CSMD1: variants seen among roughly 807,000 people sequenced by gnomAD.
The protein encoded by CSMD1 is CUB and sushi domain-containing protein 1.
Under a neutral mutation model 417.5 loss-of-function variants are expected in CSMD1, and 213 were observed. The ratio of observed to expected loss-of-function variants is 0.51; its 90% confidence interval spans 0.46 to 0.57. The LOEUF (loss-of-function observed/expected upper bound fraction) is 0.57. CSMD1 is among the 20% of genes least tolerant of loss of function. The pLI, the probability that CSMD1 is intolerant of heterozygous loss-of-function variation, is 0.00. For synonymous variants in CSMD1, 2,862 were observed against 1,736.8 expected, an observed-to-expected ratio of 1.65 and a Z score of -16.11; for missense variants, 6,923 against 4,529.7, an observed-to-expected ratio of 1.53 and a Z score of -15.17.
At chr8:3,024,246 G>A (rs1809682400) in intron 51 of CSMD1, among the ~76,000 whole-genome samples, 1 of 141,806 alleles carries the variant, frequency 7.1e-6, no homozygotes, top group South Asian at 2.3e-4. Context: ...TGTGTTTATT[G>A]ATTTTTTTCT....
intron 2 of CSMD1, among the ~76,000 whole-genome samples, chr8:4,456,157 TC>T (rs1799468972): frequency 1.3e-5 from 2 of 151,110 alleles, no homozygotes; most frequent in Admixed American, 1.3e-4. Context: ...CAGAGAGTGG[TC>T]CCTGTCTTTT....
intron 1 of CSMD1, among the ~76,000 whole-genome samples, chr8:4,792,512 G>A (rs1248515036): frequency 6.6e-6 from 1 of 152,048 alleles, no homozygotes; most frequent in East Asian, 1.9e-4. Context: ...AGTTGTGGTT[G>A]CTGTCTGTGC....
At chr8:4,767,294 G>A (rs192050423) in intron 1 of CSMD1, among the ~76,000 whole-genome samples, 1 of 152,182 alleles carries the variant, frequency 6.6e-6, no homozygotes, top group African/African-American at 2.4e-5. Context: ...AAGTAGAGTT[G>A]ACTATCATGG....
chr8:4,070,852 T>C (rs1325340485), intron 3 of CSMD1, among the ~76,000 whole-genome samples: 3 of 152,234 alleles, frequency 2.0e-5, no homozygotes, highest in African/African-American at 7.2e-5. Context: ...GTGATATAAA[T>C]GTCTAGGTTG....
At chr8:3,179,292 T>C (rs1821159384) in intron 37 of CSMD1, among the ~76,000 whole-genome samples, 1 of 152,192 alleles carries the variant, frequency 6.6e-6, no homozygotes, top group Non-Finnish European at 1.5e-5. Context: ...AACAGAGAAA[T>C]GAGTTCCTCT....
chr8:4,590,827 A>G (rs1472116066), intron 2 of CSMD1, among the ~76,000 whole-genome samples: 3 of 152,186 alleles, frequency 2.0e-5, no homozygotes, highest in African/African-American at 7.2e-5. Flanking sequence ...TTCTTAATAA[A>G]AGGATATGGG....
At chr8:3,091,816 G>C (rs1403281003) in intron 47 of CSMD1, among the ~76,000 whole-genome samples, 154 bp from the exon 48 acceptor site, 1 of 152,068 alleles carries the variant, frequency 6.6e-6, no homozygotes, top group East Asian at 1.9e-4. Flanking sequence ...TGGCTATAGT[G>C]ACAGATATAT....
At chr8:4,416,154 G>C (rs982256574) in intron 3 of CSMD1, among the ~76,000 whole-genome samples, 5 of 152,120 alleles carry the variant, frequency 3.3e-5, no homozygotes, top group Non-Finnish European at 7.4e-5. Context: ...TCTATACAAA[G>C]CAAGTAGTGA....
chr8:3,627,296 C>G (rs376200158), intron 7 of CSMD1, among the ~76,000 whole-genome samples: 1 of 152,204 alleles, frequency 6.6e-6, no homozygotes, highest in South Asian at 2.1e-4. Context: ...CTGCAAGACA[C>G]TTGGGAGAAG....
chr8:3,578,370 T>G (rs1041741486), intron 9 of CSMD1, among the ~76,000 whole-genome samples: 2 of 151,666 alleles, frequency 1.3e-5, no homozygotes, highest in Non-Finnish European at 2.9e-5. Flanking sequence ...TGTCCTCCCT[T>G]AGAAATCCTC....
At chr8:3,268,868 C>T (rs1563206313) in intron 26 of CSMD1, among the ~76,000 whole-genome samples, 1 of 152,092 alleles carries the variant, frequency 6.6e-6, no homozygotes, top group Admixed American at 6.5e-5. Context: ...AACACCCTTC[C>T]AACATGAGCT....
intron 5 of CSMD1, among the ~76,000 whole-genome samples, chr8:3,859,685 G>C (rs1465106701): frequency 1.3e-5 from 2 of 152,132 alleles, no homozygotes; most frequent in East Asian, 3.9e-4. Flanking sequence ...TAATCAATGA[G>C]TCGTGCCTAC....
In CSMD1 at chr8:3,640,636, C is replaced by T. The variant is rs571668477; in HGVS notation, c.1010-23839G>A. Among the ~76,000 whole-genome samples the T allele has an allele frequency of 5.3e-5, 8 of 152,276 alleles. No individual in the cohort carries two copies. The South Asian group carries it at 8.3e-4, about 16-fold the overall frequency. On this transcript the variant is annotated intron_variant, in intron 7 of 69. Coordinates refer to ENST00000635120, the MANE Select transcript of CSMD1 (RefSeq NM_033225.6). ...CTCTGAGACCTCAGTCGTCCTGCTACGTAAATTAGATATTCCTTTGATTGT... is the reference window on the plus strand; with the variant it reads ...CTCTGAGACCTCAGTCGTCCTGCTATGTAAATTAGATATTCCTTTGATTGT...
At chr8:4,122,273 G>A (rs1321572734) in intron 3 of CSMD1, among the ~76,000 whole-genome samples, 2 of 152,018 alleles carry the variant, frequency 1.3e-5, no homozygotes, top group East Asian at 1.9e-4. Context: ...TTAAGACCTG[G>A]TTATTTATAG....
intron 8 of CSMD1, among the ~76,000 whole-genome samples, chr8:3,588,957 G>A (rs914214277): frequency 6.6e-5 from 10 of 151,990 alleles, no homozygotes; most frequent in Non-Finnish European, 7.4e-5. Flanking sequence ...ACATAAAAAC[G>A]ACCAACAGGT....
chr8:4,240,138 A>C (rs1365468992), intron 3 of CSMD1, among the ~76,000 whole-genome samples: 1 of 152,248 alleles, frequency 6.6e-6, no homozygotes, highest in Admixed American at 6.5e-5. Flanking sequence ...TAAAAGTAAA[A>C]TAAACATTAT....
At chr8:3,753,665 T>A (rs1425184175) in intron 6 of CSMD1, among the ~76,000 whole-genome samples, 2 of 152,204 alleles carry the variant, frequency 1.3e-5, no homozygotes, top group African/African-American at 4.8e-5. Context: ...TTAAAATCAA[T>A]GATAATAAAT....
At chr8:4,130,438 G>A (rs1394278034) in intron 3 of CSMD1, among the ~76,000 whole-genome samples, 1 of 152,056 alleles carries the variant, frequency 6.6e-6, no homozygotes, top group Non-Finnish European at 1.5e-5. Context: ...TCAGTTTAGT[G>A]CAAAAATTTC....
At chr8:3,296,938 A>G (rs1804017094) in intron 25 of CSMD1, among the ~76,000 whole-genome samples, 1 of 152,190 alleles carries the variant, frequency 6.6e-6, no homozygotes, top group Non-Finnish European at 1.5e-5. Flanking sequence ...GAGAAGTCAG[A>G]GTGGAGAAAA....
Sources: gnomAD v4.1 joint callset for allele counts (sites outside exome capture counted in the v4.1 genomes callset) on GRCh38, gnomAD v4.1.1 for gene constraint, MANE v1.5 for transcripts, NCBI Gene and HGNC (gene_info 2026-07-23, HGNC 2026-07-21) for gene names.